Variants in AUTS2 observed in about 807,000 individuals in gnomAD.
AUTS2 encodes activator of transcription and developmental regulator AUTS2, also known as autism susceptibility gene 2 protein.
A neutral mutation model predicts 112.4 loss-of-function variants in AUTS2; 17 were observed. That is an observed-to-expected ratio of 0.15 (90% confidence interval 0.10 to 0.23). AUTS2 has a LOEUF of 0.23. Ranked by LOEUF, AUTS2 falls within the 10% of genes least tolerant of loss-of-function variation. The pLI is 1.00. For missense variants in AUTS2, 1,510 were observed against 1,701.6 expected (o/e 0.89, Z 1.98); for synonymous variants, 751 against 702.7 (o/e 1.07, Z -1.09).
chr7:70,661,672 T>C (rs1019350213), intron 5 of AUTS2, among the ~76,000 whole-genome samples: 4 of 152,028 alleles, frequency 2.6e-5, no homozygotes, highest in Non-Finnish European at 5.9e-5. Flanking sequence ...TGTAGATCTG[T>C]AGATCGATGC....
chr7:69,743,830 T>C (rs564487105), intron 1 of AUTS2, among the ~76,000 whole-genome samples: 9 of 152,336 alleles, frequency 5.9e-5, no homozygotes, highest in African/African-American at 1.9e-4. Context: ...AGGATCTTGC[T>C]CTGTCACCCA....
chr7:70,596,438 T>G (rs1682134889), intron 5 of AUTS2: 1 of 152,132 alleles, frequency 6.6e-6, no homozygotes, highest in Admixed American at 6.5e-5. Context: ...GCTCCAGCCG[T>G]GGTACCGCAC....
intron 2 of AUTS2, among the ~76,000 whole-genome samples, chr7:70,026,977 AT>A (rs72301604): frequency 0.025 from 3,741 of 147,396 alleles, 56 homozygotes; most frequent in Middle Eastern, 0.12. Flanking sequence ...GTGCAAAATC[AT>A]TTTTTTTTTT....
chr7:69,646,702 C>T (rs1198461869), intron 1 of AUTS2, among the ~76,000 whole-genome samples: 1 of 152,204 alleles, frequency 6.6e-6, no homozygotes, highest in Non-Finnish European at 1.5e-5. Context: ...TAAGGCCTCT[C>T]CTCTCTCCTT....
chr7:69,890,876 A>C (rs1013575232), intron 1 of AUTS2, among the ~76,000 whole-genome samples: 15 of 152,236 alleles, frequency 9.9e-5, no homozygotes, highest in African/African-American at 3.1e-4. Context: ...AGGATTCTAA[A>C]AGATGAGTTT....
At chr7:69,901,693 G>C (rs1794976699) in intron 2 of AUTS2, among the ~76,000 whole-genome samples, 1 of 152,166 alleles carries the variant, frequency 6.6e-6, no homozygotes, top group South Asian at 2.1e-4. Flanking sequence ...AAAACAAGGA[G>C]TATTTTCTTA....
intron 5 of AUTS2, among the ~76,000 whole-genome samples, chr7:70,571,259 C>T (rs1467972337): frequency 6.6e-6 from 1 of 152,122 alleles, no homozygotes; most frequent in Non-Finnish European, 1.5e-5. Flanking sequence ...CTCTCTGTGA[C>T]TTGATTTTCT....
chr7:69,948,977 T>A (rs1325264971), intron 2 of AUTS2, among the ~76,000 whole-genome samples: 1 of 152,030 alleles, frequency 6.6e-6, no homozygotes, highest in Non-Finnish European at 1.5e-5. Context: ...GGCTAATTTT[T>A]GTAATTTTTA....
chr7:69,828,193 A>AT (rs1380913898), intron 1 of AUTS2, among the ~76,000 whole-genome samples: 1 of 152,210 alleles, frequency 6.6e-6, no homozygotes, highest in African/African-American at 2.4e-5. Flanking sequence ...TATTCCAGTC[A>AT]TTATATTTCT....
rs146883370 is a variant in AUTS2, at chr7:69,971,354, A to G, written c.522+71856A>G. Among the ~76,000 whole-genome samples, 71 of 152,252 alleles carry G rather than the reference A, an allele frequency of 4.7e-4. 1 individual carries two copies. In the East Asian group the frequency reaches 0.013, roughly 29 times the overall value. On this transcript the variant is annotated intron_variant, in intron 2 of 18. Transcript: ENST00000342771. ...CATCTATTAAATGAGGAGTATTATC[A>G]CCTAATGTATTTTTCAGTTAAACTT...
At chr7:69,951,739 A>G (rs1797035237) in intron 2 of AUTS2, among the ~76,000 whole-genome samples, 1 of 152,130 alleles carries the variant, frequency 6.6e-6, no homozygotes, top group South Asian at 2.1e-4. Context: ...GTGAAGTGTG[A>G]TTGTAGCTGA....
chr7:70,171,342 C>A (rs968468851), intron 4 of AUTS2, among the ~76,000 whole-genome samples: 2 of 152,178 alleles, frequency 1.3e-5, no homozygotes, highest in African/African-American at 2.4e-5. Flanking sequence ...CTGTCCTTTA[C>A]CCTTCGCAGT....
At chr7:70,720,614 G>C (rs1786586019) in intron 6 of AUTS2, among the ~76,000 whole-genome samples, 1 of 152,138 alleles carries the variant, frequency 6.6e-6, no homozygotes, top group African/African-American at 2.4e-5. Context: ...AAAAGGTCCT[G>C]TTCTCATCCT....
chr7:70,528,621 AC>A (rs891713490), intron 5 of AUTS2, among the ~76,000 whole-genome samples: 1 of 142,738 alleles, frequency 7.0e-6, no homozygotes, highest in Non-Finnish European at 1.6e-5. Context: ...TCAAAAATAT[AC>A]CATCTAGTGC....
At chr7:70,019,463 C>A (rs187627726) in intron 2 of AUTS2, among the ~76,000 whole-genome samples, 1 of 152,130 alleles carries the variant, frequency 6.6e-6, no homozygotes, top group Non-Finnish European at 1.5e-5. Flanking sequence ...ACTTTAAAAA[C>A]AATTTCTGTG....
intron 5 of AUTS2, among the ~76,000 whole-genome samples, chr7:70,574,413 C>T (rs1802074940): frequency 6.6e-6 from 1 of 152,128 alleles, no homozygotes. Context: ...TAAAGATCCC[C>T]TTGCCCTTGA....
At chr7:70,543,453 C>T (rs557262276) in intron 5 of AUTS2, among the ~76,000 whole-genome samples, 15 of 151,288 alleles carry the variant, frequency 9.9e-5, no homozygotes, top group East Asian at 7.8e-4. Context: ...CGCTTGAACC[C>T]GGGAGGCAGA....
At chr7:70,638,878 C>A (rs1208280523) in intron 5 of AUTS2, among the ~76,000 whole-genome samples, 1 of 152,156 alleles carries the variant, frequency 6.6e-6, no homozygotes, top group Admixed American at 6.5e-5. Context: ...AGAGAGCAGG[C>A]AGATATTGCT....
At chr7:69,797,106 T>C (rs1052871135) in intron 1 of AUTS2, among the ~76,000 whole-genome samples, 18 of 152,192 alleles carry the variant, frequency 1.2e-4, no homozygotes, top group African/African-American at 4.3e-4. Context: ...AAACTTCAAC[T>C]TTTGGGACAT....
Sources: gnomAD v4.1 joint callset for allele counts (sites outside exome capture counted in the v4.1 genomes callset) on GRCh38, gnomAD v4.1.1 for gene constraint, MANE v1.5 for transcripts, NCBI Gene and HGNC (gene_info 2026-07-23, HGNC 2026-07-21) for gene names.